DUSP13A: variants seen among roughly 807,000 people sequenced by gnomAD.
The protein encoded by DUSP13A is dual specificity phosphatase 13A.
At chr10:75,108,223 G>A in the DUSP13A span, 1 of 1,584,276 alleles carries the variant, frequency 6.3e-7, no homozygotes, top group Admixed American at 1.7e-5. Flanking sequence ...GGGAGGGCAG[G>A]AAGGGCACTT....
chr10:75,109,138 G>A, the DUSP13A span: 175 of 1,599,250 alleles, frequency 1.1e-4, no homozygotes, highest in Non-Finnish European at 1.4e-4. Flanking sequence ...CCCCAGCTCT[G>A]GGAGAGAGGT....
the DUSP13A span, chr10:75,105,997 C>G: frequency 5.1e-6 from 4 of 786,146 alleles, no homozygotes; most frequent in African/African-American, 3.5e-5. Context: ...AGTCACTCAG[C>G]CTTTATGGAC....
chr10:75,107,913 C>T, the DUSP13A span: 1 of 1,445,890 alleles, frequency 6.9e-7, no homozygotes, highest in East Asian at 2.5e-5. Context: ...GATGGGAGGG[C>T]ACTGATGACT....
chr10:75,106,279 C>T, the DUSP13A span, among the ~76,000 whole-genome samples: 4 of 151,862 alleles, frequency 2.6e-5, no homozygotes, highest in African/African-American at 7.3e-5. Context: ...TGGCCCCTGT[C>T]GCCTCATCTC....
At chr10:75,107,143 C>T in the DUSP13A span, among the ~76,000 whole-genome samples, 1 of 152,190 alleles carries the variant, frequency 6.6e-6, no homozygotes, top group African/African-American at 2.4e-5. Context: ...CGAGACCAGC[C>T]TCGCCAACAT....
chr10:75,108,765 GT>G, the DUSP13A span, among the ~76,000 whole-genome samples: 1 of 152,094 alleles, frequency 6.6e-6, no homozygotes, highest in African/African-American at 2.4e-5. Context: ...TCCTGGAAAT[GT>G]TTCCTGGAAC....
chr10:75,107,972 G>A, the DUSP13A span: 1 of 1,599,606 alleles, frequency 6.3e-7, no homozygotes, highest in East Asian at 2.3e-5. Flanking sequence ...TGGGATATGG[G>A]CTTGGACCCC....
chr10:75,105,883 C>T, the DUSP13A span: 2 of 1,544,764 alleles, frequency 1.3e-6, no homozygotes, highest in African/African-American at 2.7e-5. Context: ...GGAAGACATC[C>T]TGGTGAAAAA....
chr10:75,107,598 A>T, the DUSP13A span, among the ~76,000 whole-genome samples: 1 of 148,274 alleles, frequency 6.7e-6, no homozygotes, highest in African/African-American at 2.5e-5. Context: ...GCGGGGGGGG[A>T]TGGAGTTTCG....
At chr10:75,108,119 G>C in the DUSP13A span, 5,281 of 1,613,780 alleles carry the variant, frequency 3.3e-3, 100 homozygotes, top group Non-Finnish European at 1.3e-3. Flanking sequence ...AGAAGTCAGG[G>C]CCGCCCTGAC....
chr10:75,106,461 C>G, the DUSP13A span, among the ~76,000 whole-genome samples: 1 of 152,180 alleles, frequency 6.6e-6, no homozygotes, highest in Non-Finnish European at 1.5e-5. Flanking sequence ...CAGGTTTTGG[C>G]TGAGACACGG....
At chr10:75,105,806 G>A in the DUSP13A span, 1 of 1,551,008 alleles carries the variant, frequency 6.4e-7, no homozygotes, top group Non-Finnish European at 8.7e-7. Context: ...TGCAGCATGA[G>A]GTAGGCCAGG....
the DUSP13A span, among the ~76,000 whole-genome samples, chr10:75,107,286 C>T: frequency 2.0e-5 from 3 of 148,848 alleles, no homozygotes; most frequent in African/African-American, 5.0e-5. Context: ...ACCCAGGAGG[C>T]GGAGGAGCAG....
the DUSP13A span, chr10:75,105,772 G>A: frequency 2.0e-5 from 31 of 1,551,622 alleles, no homozygotes; most frequent in Middle Eastern, 2.0e-4. Context: ...GGTGATCACC[G>A]CCTGGCGCAG....
chr10:75,107,910 G>A, the DUSP13A span: 1 of 1,433,438 alleles, frequency 7.0e-7, no homozygotes, highest in Non-Finnish European at 9.5e-7. Context: ...AGGGATGGGA[G>A]GGCACTGATG....
At chr10:75,107,589 C>CG in the DUSP13A span, among the ~76,000 whole-genome samples, 620 of 150,482 alleles carry the variant, frequency 4.1e-3, 5 homozygotes, top group African/African-American at 0.013. Flanking sequence ...TTTTTTTTGG[C>CG]GGGGGGGGAT....
At chr10:75,105,875 A>T in the DUSP13A span, 1 of 1,545,452 alleles carries the variant, frequency 6.5e-7, no homozygotes, top group Non-Finnish European at 8.7e-7. Flanking sequence ...TTGGCTGAGG[A>T]AGACATCCTG....
chr10:75,108,161 G>A, the DUSP13A span: 20 of 1,612,472 alleles, frequency 1.2e-5, no homozygotes, highest in Admixed American at 6.7e-5. Context: ...CGTTCAGCAC[G>A]TGGGTGATGC....
At chr10:75,105,839 C>T in the DUSP13A span, 24 of 1,550,506 alleles carry the variant, frequency 1.5e-5, no homozygotes, top group Admixed American at 3.7e-4. Context: ...GAGCGGCTCA[C>T]GCCCACCACA....
Sources: gnomAD v4.1 joint callset for allele counts (sites outside exome capture counted in the v4.1 genomes callset) on GRCh38, gnomAD v4.1.1 for gene constraint, MANE v1.5 for transcripts, NCBI Gene and HGNC (gene_info 2026-07-23, HGNC 2026-07-21) for gene names.